PDE4D: variants seen among roughly 807,000 people sequenced by gnomAD.
The protein encoded by PDE4D is phosphodiesterase 4D, also known as 3',5'-cyclic-AMP phosphodiesterase 4D.
Under a neutral mutation model 87.4 loss-of-function variants are expected in PDE4D, and 24 were observed. The observed-to-expected ratio is 0.27, with a 90% CI of 0.20 to 0.39. The LOEUF is 0.39. Ranked by LOEUF, PDE4D falls within the 10% of genes least tolerant of loss-of-function variation. The pLI, the probability that PDE4D is intolerant of heterozygous loss-of-function variation, is 1.00. For missense variants in PDE4D, 714 were observed against 1,041.0 expected (o/e 0.69, Z 4.32); for synonymous variants, 384 against 383.2 (o/e 1.00, Z -0.02).
chr5:59,199,970 A>G (rs955463952), intron 2 of PDE4D, among the ~76,000 whole-genome samples: 3 of 149,608 alleles, frequency 2.0e-5, no homozygotes, highest in Non-Finnish European at 3.0e-5. Context: ...ATACAGGCAC[A>G]TACATACATA....
intron 1 of PDE4D, among the ~76,000 whole-genome samples, chr5:59,347,601 A>G (rs565251935): frequency 7.9e-5 from 12 of 152,056 alleles, no homozygotes; most frequent in Non-Finnish European, 1.3e-4. Flanking sequence ...TTTAACTTCC[A>G]TTTTTCTTTG....
intron 1 of PDE4D, among the ~76,000 whole-genome samples, chr5:60,266,835 C>A (rs527658989): frequency 6.6e-6 from 1 of 152,332 alleles, no homozygotes; most frequent in East Asian, 1.9e-4. Flanking sequence ...TCTTGCATTC[C>A]AGGCTCAACC....
At chr5:59,795,313 T>C (rs1444587862) in intron 1 of PDE4D, among the ~76,000 whole-genome samples, 1 of 152,156 alleles carries the variant, frequency 6.6e-6, no homozygotes, top group Non-Finnish European at 1.5e-5. Context: ...TGGTTCCTCT[T>C]TTTGGACACA....
In PDE4D at chr5:59,526,868, C is replaced by T. The variant is rs554936487; in HGVS notation, c.456-310900G>A. Among the ~76,000 whole-genome samples the T allele has an allele frequency of 4.6e-5, 7 of 152,262 alleles. No homozygotes were observed. The East Asian group carries it at 7.7e-4, about 17-fold the overall frequency. On this transcript the variant is annotated intron_variant, in intron 1 of 14. Transcript: ENST00000340635. The stretch of plus-strand genomic sequence containing the variant: ...CTCAAACTCCTGGGCTCAAGCAATC[C>T]ACCAGCCTTGGCCTCCCAAAGTGCT...
intron 1 of PDE4D, among the ~76,000 whole-genome samples, chr5:59,880,502 GAATCAGTTAAAAC>G (rs1195200995): frequency 6.6e-6 from 1 of 152,122 alleles, no homozygotes; most frequent in Non-Finnish European, 1.5e-5. Context: ...TAATTTGGTC[GAATCAGTTAAAAC>G]AATCTCTGGG....
At chr5:59,379,194 T>C (rs1417530556) in intron 1 of PDE4D, among the ~76,000 whole-genome samples, 1 of 152,252 alleles carries the variant, frequency 6.6e-6, no homozygotes, top group Middle Eastern at 3.4e-3. Flanking sequence ...ACTCTAATGA[T>C]GTGTCTGCGT....
intron 1 of PDE4D, chr5:59,275,318 A>G (rs746201595): frequency 1.9e-6 from 3 of 1,580,136 alleles, no homozygotes; most frequent in Admixed American, 3.4e-5. Flanking sequence ...GGGGAAAAGC[A>G]TGAGAGAAAA....
intron 1 of PDE4D, among the ~76,000 whole-genome samples, chr5:60,252,700 G>A (rs1375851392): frequency 6.6e-6 from 1 of 151,614 alleles, no homozygotes; most frequent in African/African-American, 2.4e-5. Context: ...AAAGAGTGGG[G>A]AATTGGAGTA....
intron 2 of PDE4D, among the ~76,000 whole-genome samples, chr5:60,008,207 A>C (rs1381589350): frequency 2.0e-5 from 3 of 151,986 alleles, no homozygotes; most frequent in Non-Finnish European, 4.4e-5. Context: ...ACCTTGTTTT[A>C]CAGGCCATGA....
At chr5:59,735,820 C>G (rs1757988254) in intron 1 of PDE4D, among the ~76,000 whole-genome samples, 1 of 152,052 alleles carries the variant, frequency 6.6e-6, no homozygotes, top group South Asian at 2.1e-4. Flanking sequence ...GCATGTACCA[C>G]CACACCCAGA....
chr5:60,333,388 C>G (rs1313188497), intron 1 of PDE4D, among the ~76,000 whole-genome samples: 1 of 152,176 alleles, frequency 6.6e-6, no homozygotes, highest in Non-Finnish European at 1.5e-5. Context: ...CCTGTTCACA[C>G]TGCATATGGC....
chr5:59,933,559 T>C (rs952052245), intron 3 of PDE4D, among the ~76,000 whole-genome samples: 1 of 152,210 alleles, frequency 6.6e-6, no homozygotes, highest in Non-Finnish European at 1.5e-5. Flanking sequence ...AAATTATCTA[T>C]GTCCTCACAC....
chr5:59,997,028 C>T (rs910165058), intron 2 of PDE4D, among the ~76,000 whole-genome samples: 3 of 152,116 alleles, frequency 2.0e-5, no homozygotes, highest in African/African-American at 7.2e-5. Context: ...AAAAATCTCT[C>T]ATTCAGTAAT....
intron 1 of PDE4D, among the ~76,000 whole-genome samples, chr5:59,297,938 A>G (rs1478383704): frequency 6.6e-6 from 1 of 151,966 alleles, no homozygotes; most frequent in Non-Finnish European, 1.5e-5. Context: ...CTATCAGTAA[A>G]TCTTGATGAA....
chr5:59,743,564 ACC>A (rs1759167397), intron 1 of PDE4D, among the ~76,000 whole-genome samples: 2 of 152,140 alleles, frequency 1.3e-5, no homozygotes, highest in Admixed American at 1.3e-4. Flanking sequence ...GAGAAATTGA[ACC>A]CTCGTGCACT....
At chr5:60,318,478 AT>A (rs1314082821) in intron 1 of PDE4D, among the ~76,000 whole-genome samples, 1 of 152,168 alleles carries the variant, frequency 6.6e-6, no homozygotes, top group Non-Finnish European at 1.5e-5. Flanking sequence ...CAGTTAGCCC[AT>A]TTACATTTAA....
chr5:59,766,127 T>A (rs1263787610), intron 1 of PDE4D, among the ~76,000 whole-genome samples: 3 of 152,226 alleles, frequency 2.0e-5, no homozygotes, highest in Admixed American at 2.0e-4. Context: ...TAGCACAAAC[T>A]GTGAAAGCAC....
At chr5:58,990,663 G>T in intron 9 of PDE4D, 141 bp downstream of exon 9, 1 of 524,564 alleles carries the variant, frequency 1.9e-6, no homozygotes, top group Non-Finnish European at 3.4e-6. Context: ...CTTGTCCCTT[G>T]GCAAAGGAGC....
intron 1 of PDE4D, among the ~76,000 whole-genome samples, chr5:59,220,323 GT>G (rs1318788853): frequency 1.5e-5 from 2 of 132,382 alleles, no homozygotes; most frequent in African/African-American, 5.6e-5. Flanking sequence ...CAAGGTTACA[GT>G]GACTGATCGT....
Sources: gnomAD v4.1 joint callset for allele counts (sites outside exome capture counted in the v4.1 genomes callset) on GRCh38, gnomAD v4.1.1 for gene constraint, MANE v1.5 for transcripts, NCBI Gene and HGNC (gene_info 2026-07-23, HGNC 2026-07-21) for gene names.